CLIC6: variants seen among roughly 807,000 people sequenced by gnomAD.
CLIC6 encodes the protein CLIC family member 6.
CLIC6 carries 39 observed loss-of-function variants against 49.2 expected under a neutral mutation model. That is an observed-to-expected ratio of 0.79 (90% CI 0.61 to 1.04). The LOEUF is 1.04. Ranked by LOEUF, CLIC6 falls within the 50% of genes least tolerant of loss-of-function variation. CLIC6 has a pLI of 0.00. For synonymous variants in CLIC6, 446 were observed against 433.4 expected (o/e 1.03, Z -0.36); for missense variants, 988 against 993.1 (o/e 0.99, Z 0.07).
intron 1 of CLIC6, among the ~76,000 whole-genome samples, chr21:34,675,285 T>C (rs1159476350): frequency 6.8e-6 from 1 of 147,084 alleles, no homozygotes; most frequent in Admixed American, 6.8e-5. Context: ...CTTCCAAGCA[T>C]TGCCATACCA....
intron 1 of CLIC6, among the ~76,000 whole-genome samples, chr21:34,707,070 T>G (rs770516118): frequency 2.6e-5 from 4 of 152,138 alleles, no homozygotes; most frequent in Non-Finnish European, 5.9e-5. Flanking sequence ...TGCATACATG[T>G]GCATGTGCGT....
In CLIC6 at chr21:34,700,710, C is replaced by T. The variant is rs151090394; in HGVS notation, c.1375-6570C>T. On this transcript the variant is annotated intron_variant, in intron 1 of 5. Transcript: ENST00000349499. ...CGAGGGGGTGGTAGGAAAAGTCAGC[C>T]GCCCACTGCTCAGGCTTTCTTAACA... 1.2e-4 allele frequency among the ~76,000 whole-genome samples: 17 copies of T among 139,812 alleles called. 2 individuals are homozygous for T. In the East Asian group the frequency reaches 3.1e-3, roughly 25 times the overall value. The allele number at this position is 139,812 out of a possible 152,430, so 91.7% of individuals were successfully genotyped here.
chr21:34,688,117 G>A (rs1009730586), intron 1 of CLIC6, among the ~76,000 whole-genome samples: 1 of 152,172 alleles, frequency 6.6e-6, no homozygotes, highest in Non-Finnish European at 1.5e-5. Context: ...GATGATACAT[G>A]TTTCCTTTAT....
At chr21:34,690,744 C>T (rs1028454306) in intron 1 of CLIC6, among the ~76,000 whole-genome samples, 1 of 150,914 alleles carries the variant, frequency 6.6e-6, no homozygotes, top group Non-Finnish European at 1.5e-5. Context: ...GCTTTATGGA[C>T]AATTACATGA....
At chr21:34,715,420 G>A (rs1317829717) in intron 5 of CLIC6, among the ~76,000 whole-genome samples, 1 of 152,208 alleles carries the variant, frequency 6.6e-6, no homozygotes, top group African/African-American at 2.4e-5. Context: ...GCTCTGTGAA[G>A]ATGGAGTTAT....
chr21:34,712,790 C>T (rs147702406), intron 5 of CLIC6, among the ~76,000 whole-genome samples: 2 of 152,362 alleles, frequency 1.3e-5, no homozygotes, highest in Non-Finnish European at 2.9e-5. Context: ...ATTGCCCAAA[C>T]TTCGTTTCTA....
At position 34,669,019 on chromosome 21, in the gene CLIC6, C is replaced by T. The variant is rs1302346513; in HGVS notation, c.-370C>T. Reference sequence around the variant, plus strand: ...AACCCCAGGACAGCGGACAGCGGGCCGGGCACTTCCAAAGGCGCAGGAGCG... The same window carrying T: ...AACCCCAGGACAGCGGACAGCGGGCTGGGCACTTCCAAAGGCGCAGGAGCG... On this transcript the variant is annotated 5_prime_UTR_variant, in exon 1 of 6. Transcript: ENST00000349499. Among the ~76,000 whole-genome samples, 1 of 152,214 alleles carries T rather than the reference C, an allele frequency of 6.6e-6. No individual in the cohort carries two copies. The highest frequency in any genetic ancestry group is 1.5e-5 in the Non-Finnish European group (1 of 68,032).
At position 34,669,799 on chromosome 21, in the gene CLIC6, G is replaced by T; in HGVS notation, c.411G>T (p.Arg137Ser). 1 of 1,424,650 alleles carries T rather than the reference G, an allele frequency of 7.0e-7. No individual in the cohort carries two copies. Among genetic ancestry groups the T allele is most frequent in the Non-Finnish European group, 9.1e-7 (1 of 1,099,828 alleles). 88.3% of individuals were successfully genotyped at this position (1,424,650 alleles called of 1,614,324 possible). The change falls in exon 1 of 6, where the codon AGG (arginine) becomes AGT (serine). Residue 137 changes from arginine to serine, a missense_variant. Arg to Ser is a moderately radical substitution (Grantham distance 110, BLOSUM62 -1). Around this residue, in one of 3 missense-constraint regions of CLIC6, gnomAD observed 284 missense variants for 278.6 expected, o/e 1.02. Coordinates refer to ENST00000349499, the MANE Select transcript of CLIC6 (RefSeq NM_053277.3). Reference sequence around the variant, plus strand: ...CCGAGGACTCTGCGGCCCCCGAGAGGCAGGAGGAGGCGGAGCAGAGGCCTG... The same window carrying T: ...CCGAGGACTCTGCGGCCCCCGAGAGTCAGGAGGAGGCGGAGCAGAGGCCTG... Reference protein sequence around the residue: ...REPEDSAAPERQEEAEQRPEV... With the variant: ...REPEDSAAPESQEEAEQRPEV...
Position 34,715,442 on chromosome 21 carries a change from C to T in CLIC6, c.1900-879C>T, listed in dbSNP as rs531774040. Among the ~76,000 whole-genome samples the T allele has an allele frequency of 2.6e-5, 4 of 152,236 alleles. No individual in the cohort carries two copies. The East Asian group carries it at 5.8e-4, about 22-fold the overall frequency. The stretch of plus-strand genomic sequence containing the variant: ...GAAGATGGAGTTATGCTTGCACAGC[C>T]AAGGCACTGCCAGAAGTGGAGAGAG... On this transcript the variant is annotated intron_variant, in intron 5 of 5. Transcript: ENST00000349499.
intron 1 of CLIC6, among the ~76,000 whole-genome samples, chr21:34,693,708 T>C (rs1990038218): frequency 6.6e-6 from 1 of 152,146 alleles, no homozygotes; most frequent in Admixed American, 6.5e-5. Flanking sequence ...CCAAAGGTGA[T>C]GTGAAGGAAC....
At chr21:34,711,187 A>G (rs925925840) in intron 5 of CLIC6, among the ~76,000 whole-genome samples, 3 of 152,218 alleles carry the variant, frequency 2.0e-5, no homozygotes, top group African/African-American at 7.2e-5. Flanking sequence ...ACCAGGAAAA[A>G]TAAGTCATGG....
At chr21:34,697,420 C>T (rs1277438297) in intron 1 of CLIC6, among the ~76,000 whole-genome samples, 2 of 152,144 alleles carry the variant, frequency 1.3e-5, no homozygotes, top group Non-Finnish European at 2.9e-5. Context: ...CTTCCCCTCC[C>T]CTCCCCTTCC....
intron 1 of CLIC6, among the ~76,000 whole-genome samples, chr21:34,682,801 ATTTTTT>A (rs1172251761): frequency 1.2e-3 from 84 of 69,286 alleles, no homozygotes; most frequent in African/African-American, 5.0e-3. Flanking sequence ...CTTTCCCTCC[ATTTTTT>A]TTTTTTTTTT....
chr21:34,673,420 G>C (rs769361162), intron 1 of CLIC6, among the ~76,000 whole-genome samples: 1 of 152,202 alleles, frequency 6.6e-6, no homozygotes, highest in African/African-American at 2.4e-5. Flanking sequence ...CTCCTGAGTC[G>C]CTGAGACTAC....
In CLIC6 at chr21:34,669,671, G is replaced by A. The variant is rs1032817233; in HGVS notation, c.283G>A (p.Val95Met). The A allele has an allele frequency of 2.4e-4, 325 of 1,349,296 alleles. 1 individual carries two copies. Among genetic ancestry groups the A allele is most frequent in the Non-Finnish European group, 2.9e-4 (302 of 1,057,110 alleles). The allele number at this position is 1,349,296 out of a possible 1,614,324, so 83.6% of individuals were successfully genotyped here. The change falls in exon 1 of 6, where the codon GTG (valine) becomes ATG (methionine). Residue 95 changes from valine to methionine, a missense_variant. Val to Met is a conservative substitution (Grantham distance 21). Transcript: ENST00000349499. ...AEEGAPEGAE[V>M]PQGGEETSGA... ...GGAGGGAGCCCCGGAGGGTGCCGAG[G>A]TGCCCCAAGGAGGGGAGGAGACAAG...
At chr21:34,695,476 T>C (rs1557271) in intron 1 of CLIC6, among the ~76,000 whole-genome samples, 61,851 of 152,102 alleles carry the variant, frequency 0.41, 14,241 homozygotes, top group African/African-American at 0.63. Flanking sequence ...CTTTGAGAGG[T>C]CATTATTCTT....
At position 34,670,742 on chromosome 21, in the gene CLIC6, G is replaced by T; in HGVS notation, c.1354G>T (p.Asp452Tyr). ...SEPRALGQEH[D>Y]ITLFVKAGYD... The stretch of plus-strand genomic sequence containing the variant: ...GCCCCGGGCCCTGGGGCAGGAGCAC[G>T]ACATCACCCTCTTCGTCAAGGTAAA... Residue 452 changes from aspartate to tyrosine, a missense_variant, in exon 1 of 6, where the codon GAC becomes TAC. Transcript: ENST00000349499. 1 of 1,600,274 alleles carries T rather than the reference G, an allele frequency of 6.2e-7. No homozygotes were observed. Among genetic ancestry groups the T allele is most frequent in the Non-Finnish European group, 8.5e-7 (1 of 1,177,850 alleles).
chr21:34,687,477 C>G (rs944793479), intron 1 of CLIC6, among the ~76,000 whole-genome samples: 3 of 152,154 alleles, frequency 2.0e-5, no homozygotes, highest in African/African-American at 7.2e-5. Context: ...TTAAAAATAG[C>G]CCCGGAGTTT....
rs78239443 is a variant in CLIC6, at chr21:34,683,451, T to C, written c.1374+12689T>C. Among the ~76,000 whole-genome samples the C allele has an allele frequency of 3.3e-3, 510 of 152,268 alleles. 1 individual carries two copies. Among genetic ancestry groups the C allele is most frequent in the African/African-American group, 0.011 (477 of 41,546 alleles). On this transcript the variant is annotated intron_variant, in intron 1 of 5. Transcript: ENST00000349499. ...AGTCTGTTGAAAGAATTGACCAAAATTTATAGAGAATGAGGAGATCCAGAG... is the reference window on the plus strand; with the variant it reads ...AGTCTGTTGAAAGAATTGACCAAAACTTATAGAGAATGAGGAGATCCAGAG...
Sources: allele counts gnomAD v4.1 joint callset (sites outside exome capture counted in the v4.1 genomes callset), GRCh38; gene constraint gnomAD v4.1.1; regional missense constraint gnomAD v4.1.1; transcripts MANE v1.5; gene names NCBI Gene and HGNC (gene_info 2026-07-23, HGNC 2026-07-21).